TTLL5: variants seen among roughly 807,000 people sequenced by gnomAD.
TTLL5 encodes tubulin polyglutamylase TTLL5.
In TTLL5, 132 loss-of-function variants were observed where a neutral mutation model predicts 168.4. The observed-to-expected ratio is 0.78, with a 90% CI of 0.68 to 0.91. The LOEUF is 0.91. Ranked by LOEUF, TTLL5 falls within the 40% of genes least tolerant of loss-of-function variation. The pLI is 0.00. For missense variants in TTLL5, 1,545 were observed against 1,581.5 expected, an observed-to-expected ratio of 0.98 and a Z score of 0.39; for synonymous variants, 546 against 558.6, an observed-to-expected ratio of 0.98 and a Z score of 0.32.
At chr14:75,950,554 A>T (rs1337190346) in intron 31 of TTLL5, among the ~76,000 whole-genome samples, 1 of 152,250 alleles carries the variant, frequency 6.6e-6, no homozygotes, top group Non-Finnish European at 1.5e-5. Context: ...CCAGGAAACA[A>T]ATGTGAAGAG....
intron 13 of TTLL5, 127 bp downstream of exon 13, chr14:75,732,546 C>T (rs1888612217): frequency 1.3e-6 from 1 of 743,292 alleles, no homozygotes; most frequent in East Asian, 2.7e-5. Context: ...TGGAGATAAC[C>T]AGACTTTCTT....
In TTLL5 at chr14:75,789,612, A is replaced by G. The variant is rs141360836; in HGVS notation, c.2987-3304A>G. 5.7e-3 allele frequency among the ~76,000 whole-genome samples: 875 copies of G among 152,336 alleles called. 2 individuals carry two copies. The highest frequency in any genetic ancestry group is 0.011 in the Non-Finnish European group (742 of 68,020). On this transcript the variant is annotated intron_variant, in intron 26 of 31. Transcript: ENST00000298832. ...CACCAATAAAAATGTTTTTAAAAATATCACTAATAATAGCATAAAAACTGT... is the reference window on the plus strand; with the variant it reads ...CACCAATAAAAATGTTTTTAAAAATGTCACTAATAATAGCATAAAAACTGT...
intron 29 of TTLL5, among the ~76,000 whole-genome samples, chr14:75,869,442 A>C (rs2030826589): frequency 6.6e-6 from 1 of 152,104 alleles, no homozygotes; most frequent in Non-Finnish European, 1.5e-5. Flanking sequence ...CATTTTCCTT[A>C]TCTCTAATTT....
chr14:75,771,597 A>G (rs1468141085), intron 20 of TTLL5, 137 bp from the exon 21 acceptor site: 2 of 1,227,208 alleles, frequency 1.6e-6, no homozygotes, highest in Non-Finnish European at 2.3e-6. Context: ...CCTTATTCAC[A>G]GGCTGTAAGA....
At chr14:75,870,655 C>G (rs186916248) in intron 29 of TTLL5, among the ~76,000 whole-genome samples, 5 of 152,260 alleles carry the variant, frequency 3.3e-5, no homozygotes, top group Admixed American at 3.3e-4. Flanking sequence ...TTTGTCCTTT[C>G]AACACTGTTA....
chr14:75,692,092 T>C (rs2140140355), intron 6 of TTLL5, among the ~76,000 whole-genome samples: 1 of 152,360 alleles, frequency 6.6e-6, no homozygotes, highest in Middle Eastern at 3.4e-3. Flanking sequence ...TTTTGCTATG[T>C]GACTTTAGCC....
chr14:75,761,223 A>T (rs1890625042), intron 18 of TTLL5, among the ~76,000 whole-genome samples: 1 of 152,198 alleles, frequency 6.6e-6, no homozygotes, highest in Non-Finnish European at 1.5e-5. Flanking sequence ...TTATACTGAC[A>T]ATACTAAATG....
rs571820395 is a variant in TTLL5 at position 75,707,398 on chromosome 14, C to T, written c.656-225C>T. Among the ~76,000 whole-genome samples the T allele has an allele frequency of 1.8e-3, 279 of 151,964 alleles. 1 individual carries two copies. Among genetic ancestry groups the T allele is most frequent in the African/African-American group, 6.5e-3 (269 of 41,424 alleles). On this transcript the variant is annotated intron_variant, in intron 8 of 31. Transcript: ENST00000298832. ...TTACAGTTATATTAATGTATATATACATTATACGGTTTTTATTATGTACTA... is the reference window on the plus strand; with the variant it reads ...TTACAGTTATATTAATGTATATATATATTATACGGTTTTTATTATGTACTA...
chr14:75,846,792 G>GAAAAA (rs5809732), intron 28 of TTLL5, among the ~76,000 whole-genome samples: 1 of 99,220 alleles, frequency 1.0e-5, no homozygotes, highest in East Asian at 3.1e-4. Context: ...CTCCATCTCA[G>GAAAAA]AAAAAAAAAA....
At chr14:75,775,067 T>A (rs1365013006) in intron 21 of TTLL5, among the ~76,000 whole-genome samples, 1 of 151,746 alleles carries the variant, frequency 6.6e-6, no homozygotes, top group Non-Finnish European at 1.5e-5. Flanking sequence ...ATCTTTTCTA[T>A]CTCTAAATAT....
chr14:75,869,821 A>ATTTTTTTTTTT lies in TTLL5; in HGVS notation c.3522+5965_3522+5975dup, dbSNP rs10658095. Among the ~76,000 whole-genome samples, 713 of 82,398 alleles carry ATTTTTTTTTTT rather than the reference A, an allele frequency of 8.7e-3. 201 individuals are homozygous for ATTTTTTTTTTT. The highest frequency in any genetic ancestry group is 0.03 in the Middle Eastern group (2 of 66). 54.1% of individuals were successfully genotyped at this position (82,398 alleles called of 152,430 possible). On this transcript the variant is annotated intron_variant, in intron 29 of 31. Transcript: ENST00000298832. Reference sequence around the variant, plus strand: ...CTTGCAATGTATACATTCAACAAGTATTTTTTTTTTTTTTTTGCGATGGAG... The same window carrying ATTTTTTTTTTT: ...CTTGCAATGTATACATTCAACAAGTATTTTTTTTTTTTTTTTTTTTTTTTTTTGCGATGGAG...
chr14:75,914,029 A>AT lies in TTLL5; in HGVS notation c.3823+11805_3823+11806insT, dbSNP rs1555356357. Among the ~76,000 whole-genome samples the AT allele has an allele frequency of 1.4e-4, 11 of 78,304 alleles. No homozygotes were observed. The East Asian group carries it at 1.4e-3, about 10-fold the overall frequency. The allele number at this position is 78,304 out of a possible 152,430, so 51.4% of individuals were successfully genotyped here. ...GACTGTTTAAAAGGAAAAAAAAAAAAAAAAATATATATATATATATATATA... is the reference window on the plus strand; with the variant it reads ...GACTGTTTAAAAGGAAAAAAAAAAAATAAAAATATATATATATATATATATA... On this transcript the variant is annotated intron_variant, in intron 31 of 31. Coordinates refer to ENST00000298832, the MANE Select transcript of TTLL5 (RefSeq NM_015072.5).
chr14:75,720,266 G>A (rs998634809), intron 11 of TTLL5, among the ~76,000 whole-genome samples: 3 of 152,104 alleles, frequency 2.0e-5, no homozygotes, highest in South Asian at 2.1e-4. Context: ...TGAGCAGAAC[G>A]GGAAACTGTG....
chr14:75,901,400 G>C (rs1465500000), intron 30 of TTLL5, among the ~76,000 whole-genome samples: 2 of 151,908 alleles, frequency 1.3e-5, no homozygotes, highest in African/African-American at 2.4e-5. Context: ...CTAGTCCTAG[G>C]ATTTCTGAGA....
At chr14:75,867,006 G>A (rs1259396953) in intron 29 of TTLL5, among the ~76,000 whole-genome samples, 1 of 152,192 alleles carries the variant, frequency 6.6e-6, no homozygotes, top group Non-Finnish European at 1.5e-5. Flanking sequence ...CACACTGATG[G>A]TAAAAACAGC....
intron 18 of TTLL5, 105 bp downstream of exon 18, chr14:75,753,060 C>G: frequency 8.8e-7 from 1 of 1,141,312 alleles, no homozygotes; most frequent in Non-Finnish European, 1.2e-6. Flanking sequence ...TGTAAAATCT[C>G]TGCTAGAAAA....
intron 28 of TTLL5, among the ~76,000 whole-genome samples, chr14:75,857,426 G>A (rs1054726077): frequency 1.0e-5 from 1 of 97,564 alleles, no homozygotes; most frequent in African/African-American, 3.6e-5. Context: ...GATTTTATTA[G>A]CTAATATTGT....
intron 28 of TTLL5, among the ~76,000 whole-genome samples, chr14:75,823,196 G>A (rs1260264324): frequency 6.6e-6 from 1 of 152,118 alleles, no homozygotes; most frequent in African/African-American, 2.4e-5. Flanking sequence ...TGATACGTGG[G>A]TGTGTTAACT....
chr14:75,851,118 G>C (rs1351232730), intron 28 of TTLL5, among the ~76,000 whole-genome samples: 2 of 101,314 alleles, frequency 2.0e-5, no homozygotes, highest in Admixed American at 1.9e-4. Context: ...AAAAAAAAAA[G>C]TTAATGGAAT....
Sources: allele counts gnomAD v4.1 joint callset (sites outside exome capture counted in the v4.1 genomes callset), GRCh38; gene constraint gnomAD v4.1.1; transcripts MANE v1.5; gene names NCBI Gene and HGNC (gene_info 2026-07-23, HGNC 2026-07-21).